Variants in THSD7A observed in about 807,000 individuals in gnomAD.
THSD7A encodes the protein thrombospondin type 1 domain containing 7A, also known as thrombospondin type-1 domain-containing protein 7A.
Under a neutral mutation model 231.3 loss-of-function variants are expected in THSD7A, and 96 were observed. The ratio of observed to expected loss-of-function variants is 0.41; its 90% confidence interval spans 0.35 to 0.49. THSD7A has a LOEUF of 0.49. THSD7A is among the 20% of genes least tolerant of loss of function. THSD7A has a pLI of 0.05. For missense variants in THSD7A, 2,290 were observed against 2,070.2 expected, an observed-to-expected ratio of 1.11 and a Z score of -2.06; for synonymous variants, 940 against 743.3, an observed-to-expected ratio of 1.26 and a Z score of -4.30.
chr7:11,699,230 A>T (rs554076585), intron 1 of THSD7A, among the ~76,000 whole-genome samples: 1 of 151,150 alleles, frequency 6.6e-6, no homozygotes, highest in African/African-American at 2.4e-5. Flanking sequence ...CTTCATTTTT[A>T]AAAAAACTAT....
At chr7:11,760,814 GAAAATA>G (rs1782832118) in intron 1 of THSD7A, among the ~76,000 whole-genome samples, 1 of 151,618 alleles carries the variant, frequency 6.6e-6, no homozygotes, top group African/African-American at 2.4e-5. Flanking sequence ...TGTTATGATA[GAAAATA>G]AAAATAAAAT....
rs183530756 is a variant in THSD7A, at chr7:11,539,232, C to A, written c.1822+2187G>T. ...CAAGTCTCCAGCTTTTTCTTTCATT[C>A]TATCAGCCCAATTATGTCTCAGTTT... On this transcript the variant is annotated intron_variant, in intron 6 of 27. Transcript: ENST00000423059. 1.2e-3 allele frequency among the ~76,000 whole-genome samples: 184 copies of A among 152,258 alleles called. 1 individual carries two copies. The highest frequency in any genetic ancestry group is 4.3e-3 in the African/African-American group (178 of 41,564).
intron 17 of THSD7A, 77 bp downstream of exon 17, chr7:11,417,373 A>C: frequency 7.4e-7 from 1 of 1,352,262 alleles, no homozygotes; most frequent in Non-Finnish European, 9.9e-7. Flanking sequence ...TATTATATTC[A>C]AAAAATAATG....
intron 23 of THSD7A, among the ~76,000 whole-genome samples, chr7:11,388,568 G>A (rs749939078): frequency 6.6e-6 from 1 of 152,078 alleles, no homozygotes; most frequent in Non-Finnish European, 1.5e-5. Flanking sequence ...GCATCTATTT[G>A]ATTGTTCTCT....
intron 5 of THSD7A, among the ~76,000 whole-genome samples, chr7:11,542,271 A>C (rs1251462633): frequency 6.6e-6 from 1 of 152,196 alleles, no homozygotes; most frequent in Non-Finnish European, 1.5e-5. Flanking sequence ...CCTTCATGAG[A>C]GTGTGTAACA....
At chr7:11,664,024 A>G (rs1783028966) in intron 1 of THSD7A, among the ~76,000 whole-genome samples, 1 of 146,494 alleles carries the variant, frequency 6.8e-6, no homozygotes, top group African/African-American at 2.5e-5. Context: ...AAGTGCTCCA[A>G]CTTGCTGGGA....
At chr7:11,425,911 T>G (rs1170026328) in intron 15 of THSD7A, among the ~76,000 whole-genome samples, 1 of 152,002 alleles carries the variant, frequency 6.6e-6, no homozygotes, top group Non-Finnish European at 1.5e-5. Context: ...AAAACCTAAG[T>G]AAAATGAATA....
chr7:11,623,725 A>G (rs1335999125), intron 2 of THSD7A, among the ~76,000 whole-genome samples: 1 of 152,098 alleles, frequency 6.6e-6, no homozygotes, highest in Non-Finnish European at 1.5e-5. Context: ...TAGCACATAC[A>G]AGGATAAACA....
chr7:11,456,066 A>G (rs1453043771), intron 11 of THSD7A, among the ~76,000 whole-genome samples: 1 of 152,012 alleles, frequency 6.6e-6, no homozygotes, highest in African/African-American at 2.4e-5. Flanking sequence ...TTTTCTATCA[A>G]TATGGAAGGG....
At chr7:11,437,527 T>G (rs1784671949) in intron 13 of THSD7A, among the ~76,000 whole-genome samples, 1 of 152,090 alleles carries the variant, frequency 6.6e-6, no homozygotes, top group Non-Finnish European at 1.5e-5. Flanking sequence ...CAGTTGTGAA[T>G]GATAACTGCA....
At chr7:11,778,362 C>T (rs542973209) in intron 1 of THSD7A, among the ~76,000 whole-genome samples, 2 of 152,052 alleles carry the variant, frequency 1.3e-5, no homozygotes, top group Admixed American at 1.3e-4. Flanking sequence ...TTGTTTCTCG[C>T]CATATAAAGC....
chr7:11,508,190 T>C (rs1376512441), intron 6 of THSD7A, among the ~76,000 whole-genome samples: 1 of 152,170 alleles, frequency 6.6e-6, no homozygotes, highest in Non-Finnish European at 1.5e-5. Context: ...CAATTTGGAT[T>C]ACAATTCAAG....
intron 1 of THSD7A, among the ~76,000 whole-genome samples, chr7:11,639,489 G>A (rs1370954882): frequency 6.6e-6 from 1 of 151,988 alleles, no homozygotes; most frequent in Non-Finnish European, 1.5e-5. Context: ...CTAACACAGT[G>A]AAACCCTGTC....
chr7:11,831,819 C>A lies in THSD7A; in HGVS notation c.128G>T (p.Gly43Val). The A allele has an allele frequency of 6.9e-7, 1 of 1,447,042 alleles. No individual in the cohort carries two copies. Among genetic ancestry groups the A allele is most frequent in the Non-Finnish European group, 9.1e-7 (1 of 1,096,270 alleles). 89.6% of individuals were successfully genotyped at this position (1,447,042 alleles called of 1,614,324 possible). ...GCCCTGCGCCGCAGCCCTGCCGGCGCCCGGGCGTAGCAGCAGCAGCAGGAG... is the reference window on the plus strand; with the variant it reads ...GCCCTGCGCCGCAGCCCTGCCGGCGACCGGGCGTAGCAGCAGCAGCAGGAG... ...PLLLLLLLRP[G>V]AGRAAAQGEA... The change falls in exon 1 of 28, where the codon GGC becomes GTC. Residue 43 changes from glycine to valine, a missense_variant. Coordinates refer to ENST00000423059, the MANE Select transcript of THSD7A (RefSeq NM_015204.3). The surrounding 1 kb of genome is among the most constrained non-coding windows in gnomAD (Gnocchi z 5.0).
intron 1 of THSD7A, among the ~76,000 whole-genome samples, chr7:11,719,056 G>A (rs1317368743): frequency 6.6e-6 from 1 of 151,690 alleles, no homozygotes; most frequent in African/African-American, 2.4e-5. Context: ...AATATCGTGT[G>A]TGTGTGTGTA....
chr7:11,514,534 G>A (rs1787947156), intron 6 of THSD7A, among the ~76,000 whole-genome samples: 1 of 152,104 alleles, frequency 6.6e-6, no homozygotes, highest in Non-Finnish European at 1.5e-5. Flanking sequence ...AGAGAAGGAG[G>A]AGATCATGAG....
chr7:11,806,060 T>G (rs189957040), intron 1 of THSD7A, among the ~76,000 whole-genome samples: 251 of 152,286 alleles, frequency 1.6e-3, no homozygotes, highest in Non-Finnish European at 2.2e-3. Flanking sequence ...TTTTTTGACC[T>G]ACAATGCTTA....
At chr7:11,531,441 C>G (rs1788704271) in intron 6 of THSD7A, among the ~76,000 whole-genome samples, 3 of 152,194 alleles carry the variant, frequency 2.0e-5, no homozygotes, top group Admixed American at 6.5e-5. Flanking sequence ...GCCTCTGCAG[C>G]CTCTTTAAAT....
At position 11,831,875 on chromosome 7, in the gene THSD7A, C is replaced by T; in HGVS notation, c.72G>A (p.Gln24=). ...GCAGCGGCAGCGGCAGCGGCAGCAG[C>T]TGCAGGACGCCCCGGCGCGGCCCCG... ...GAAGPRRGVL[Q]LLPLPLPLPL... The change falls in exon 1 of 28, where the codon CAG becomes CAA. Residue 24 remains glutamine, a synonymous_variant. Transcript: ENST00000423059. This position sits in a 1 kb window ranked among gnomAD's most constrained non-coding sequence, Gnocchi z 5.0. 7.9e-7 allele frequency: 1 copy of T among 1,268,022 alleles called. No individual in the cohort carries two copies. Among genetic ancestry groups the T allele is most frequent in the Non-Finnish European group, 9.9e-7 (1 of 1,010,510 alleles). 78.5% of individuals were successfully genotyped at this position (1,268,022 alleles called of 1,614,324 possible).
Sources: allele counts gnomAD v4.1 joint callset (sites outside exome capture counted in the v4.1 genomes callset), GRCh38; gene constraint gnomAD v4.1.1; non-coding constraint Gnocchi (gnomAD v3.1); transcripts MANE v1.5; gene names NCBI Gene and HGNC (gene_info 2026-07-23, HGNC 2026-07-21).